The following TMEM74 variants were observed in gnomAD, a reference collection of about 807,000 sequenced individuals.
TMEM74 encodes transmembrane protein 74.
A neutral mutation model predicts 18.1 loss-of-function variants in TMEM74; 13 were observed. The ratio of observed to expected loss-of-function variants is 0.72; its 90% CI spans 0.47 to 1.14. TMEM74 has a LOEUF of 1.14. Ranked by LOEUF, TMEM74 falls within the 50% of genes most tolerant of loss-of-function variation. TMEM74 has a pLI of 0.00. For synonymous variants in TMEM74, 159 were observed against 146.6 expected (o/e 1.08, Z -0.61); for missense variants, 372 against 375.9 (o/e 0.99, Z 0.09).
chr8:108,769,258 C>T (rs570474565), intron 1 of TMEM74, among the ~76,000 whole-genome samples: 1 of 151,982 alleles, frequency 6.6e-6, no homozygotes, highest in East Asian at 1.9e-4. Flanking sequence ...AACTGGGAAG[C>T]GGAGGTTGCA....
chr8:108,715,651 G>C (rs550355740), intron 1 of TMEM74, among the ~76,000 whole-genome samples: 1 of 152,102 alleles, frequency 6.6e-6, no homozygotes, highest in African/African-American at 2.4e-5. Context: ...ATTAAAAAGC[G>C]AATGCACACT....
At chr8:108,631,825 G>C (rs1422553802) in intron 2 of TMEM74, among the ~76,000 whole-genome samples, 6 of 151,876 alleles carry the variant, frequency 4.0e-5, no homozygotes, top group Admixed American at 3.9e-4. Flanking sequence ...ACATCAAATA[G>C]AAATGTTTCT....
chr8:108,743,213 G>A (rs72675034), intron 1 of TMEM74, among the ~76,000 whole-genome samples: 161 of 152,272 alleles, frequency 1.1e-3, no homozygotes, highest in Admixed American at 2.5e-3. Context: ...GTTGTTTACT[G>A]TACGTAAATA....
intron 1 of TMEM74, among the ~76,000 whole-genome samples, chr8:108,712,876 G>A (rs1010566494): frequency 1.3e-5 from 2 of 152,190 alleles, no homozygotes; most frequent in Admixed American, 6.5e-5. Context: ...GGTGAAGCTT[G>A]TGGGACATTG....
At chr8:108,653,424 A>C (rs930745673) in intron 2 of TMEM74, 1 of 152,190 alleles carries the variant, frequency 6.6e-6, no homozygotes, top group African/African-American at 2.4e-5. Context: ...ATCTTCTTGG[A>C]TCTTCACAAT....
Position 108,759,410 on chromosome 8 carries a change from A to T in TMEM74, n.119+28066T>A, listed in dbSNP as rs558716255. Among the ~76,000 whole-genome samples, 6 of 152,274 alleles carry T rather than the reference A, an allele frequency of 3.9e-5. No individual in the cohort carries two copies. The East Asian group carries it at 1.2e-3, about 29-fold the overall frequency. On this transcript the variant is annotated intron_variant and non_coding_transcript_variant, in intron 1 of 3. Transcript: ENST00000518838. The stretch of plus-strand genomic sequence containing the variant: ...ATTTCTAGTAATTTATTCTATGAAT[A>T]TATTTGATGTAATAAAAAGGTAAAT...
At chr8:108,717,187 T>C (rs964151332) in intron 1 of TMEM74, among the ~76,000 whole-genome samples, 6 of 152,008 alleles carry the variant, frequency 3.9e-5, no homozygotes, top group Admixed American at 3.3e-4. Context: ...ATTACAAGCA[T>C]GCTAAATTTT....
rs1563551708 is a variant in TMEM74 at position 108,784,880 on chromosome 8, G to A, written c.219C>T (p.Asn73=). 6.2e-7 allele frequency: 1 copy of A among 1,614,202 alleles called. No individual in the cohort carries two copies. Among genetic ancestry groups the A allele is most frequent in the South Asian group, 1.1e-5 (1 of 91,074 alleles). ...GAAAGGCATCTGGCTGAAGAGTACT[G>A]TTTTGCAGAGAGGAGGAGGGGGATG... is the stretch of plus-strand genomic sequence containing the variant. ...SPASPSSSLQ[N]STLQPDAFPP... Residue 73 remains asparagine, a synonymous_variant, in exon 2 of 2, where the codon AAC becomes AAT. Coordinates refer to ENST00000297459, the MANE Select transcript of TMEM74 (RefSeq NM_153015.3).
chr8:108,747,034 G>A (rs1813855003), intron 1 of TMEM74, among the ~76,000 whole-genome samples: 1 of 152,148 alleles, frequency 6.6e-6, no homozygotes, highest in East Asian at 1.9e-4. Flanking sequence ...TTGAGTCTCA[G>A]TACGAGGTCA....
chr8:108,733,730 T>G (rs556649303), intron 1 of TMEM74, among the ~76,000 whole-genome samples: 2 of 152,352 alleles, frequency 1.3e-5, no homozygotes, highest in East Asian at 3.9e-4. Flanking sequence ...TTTATTTTCT[T>G]GTAAAAACAA....
chr8:108,641,884 C>G lies in TMEM74; in HGVS notation n.264+13409G>C, dbSNP rs185397627. On this transcript the variant is annotated intron_variant and non_coding_transcript_variant, in intron 2 of 3. Coordinates refer to the TMEM74 transcript ENST00000518838. ...ATTTTTCATGTGATCTCTTAGCTTCCTAGGTCTTTTGAGGGGAGCACTGAA... is the reference window on the plus strand; with the variant it reads ...ATTTTTCATGTGATCTCTTAGCTTCGTAGGTCTTTTGAGGGGAGCACTGAA... Among the ~76,000 whole-genome samples, 942 of 151,952 alleles carry G rather than the reference C, an allele frequency of 6.2e-3. 14 individuals are homozygous for G. The highest frequency in any genetic ancestry group is 0.022 in the African/African-American group (896 of 41,448).
intron 2 of TMEM74, among the ~76,000 whole-genome samples, chr8:108,620,143 A>T (rs979449724): frequency 6.6e-6 from 1 of 152,122 alleles, no homozygotes; most frequent in Non-Finnish European, 1.5e-5. Flanking sequence ...TGGCCATGTT[A>T]ATGCATGTAT....
At chr8:108,632,895 G>C (rs552511397) in intron 2 of TMEM74, among the ~76,000 whole-genome samples, 1 of 151,966 alleles carries the variant, frequency 6.6e-6, no homozygotes, top group South Asian at 2.1e-4. Context: ...AGTAGAACAT[G>C]TTCTTCTAGT....
rs527923872 is a variant in TMEM74 at position 108,729,426 on chromosome 8, G to A, written n.119+58050C>T. Among the ~76,000 whole-genome samples, 10 of 152,290 alleles carry A rather than the reference G, an allele frequency of 6.6e-5. No individual in the cohort carries two copies. The South Asian group carries it at 1.9e-3, about 28-fold the overall frequency. Reference sequence around the variant, plus strand: ...GTTTAGATTTTCCCAGTGTATAAGAGATAATCCAGCATAATCTTTTTGGAA... The same window carrying A: ...GTTTAGATTTTCCCAGTGTATAAGAAATAATCCAGCATAATCTTTTTGGAA... On this transcript the variant is annotated intron_variant and non_coding_transcript_variant, in intron 1 of 3. Transcript: ENST00000518838.
chr8:108,775,109 A>C (rs1172706745), downstream of TMEM74, among the ~76,000 whole-genome samples: 1 of 152,194 alleles, frequency 6.6e-6, no homozygotes, highest in African/African-American at 2.4e-5. Flanking sequence ...GGACATGATA[A>C]CCATAAGAAA....
intron 2 of TMEM74, among the ~76,000 whole-genome samples, chr8:108,639,136 T>C (rs1428720026): frequency 2.6e-5 from 4 of 152,138 alleles, no homozygotes; most frequent in African/African-American, 9.7e-5. Flanking sequence ...CTTACTGAGA[T>C]CAGCCAAGCC....
At chr8:108,661,453 C>A (rs1812899433) in intron 1 of TMEM74, among the ~76,000 whole-genome samples, 1 of 132,364 alleles carries the variant, frequency 7.6e-6, no homozygotes, top group Non-Finnish European at 1.5e-5. Flanking sequence ...TCAGTAATGG[C>A]ACATTGGTCT....
chr8:108,620,688 A>T (rs1032665245), intron 2 of TMEM74, among the ~76,000 whole-genome samples: 1 of 152,094 alleles, frequency 6.6e-6, no homozygotes, highest in African/African-American at 2.4e-5. Flanking sequence ...TAGTAAGGAC[A>T]TTTGGCTTCC....
chr8:108,735,955 C>T (rs867738131), intron 1 of TMEM74, among the ~76,000 whole-genome samples: 1 of 152,076 alleles, frequency 6.6e-6, no homozygotes. Context: ...ACTTGAATTG[C>T]TCACTTGACA....
Sources: allele counts gnomAD v4.1 joint callset (sites outside exome capture counted in the v4.1 genomes callset), GRCh38; gene constraint gnomAD v4.1.1; transcripts MANE v1.5; gene names NCBI Gene and HGNC (gene_info 2026-07-23, HGNC 2026-07-21).